MGAT4A: variants seen among roughly 807,000 people sequenced by gnomAD.
MGAT4A encodes the protein N-acetylglucosaminyltransferase IVa.
Under a neutral mutation model 74.1 loss-of-function variants are expected in MGAT4A, and 33 were observed. The ratio of observed to expected loss-of-function variants is 0.45; its 90% CI spans 0.34 to 0.60. The LOEUF is 0.60. MGAT4A is among the 20% of genes least tolerant of loss of function. The pLI, the probability that MGAT4A is intolerant of heterozygous loss-of-function variation, is 0.02. For missense variants in MGAT4A, 479 were observed against 628.3 expected (o/e 0.76, Z 2.54); for synonymous variants, 198 against 210.4 (o/e 0.94, Z 0.51).
intron 3 of MGAT4A, among the ~76,000 whole-genome samples, chr2:98,677,023 A>C (rs1701984144): frequency 6.6e-6 from 1 of 152,218 alleles, no homozygotes; most frequent in African/African-American, 2.4e-5. Flanking sequence ...AGAGGAATTC[A>C]TGTGTTTTTA....
intron 9 of MGAT4A, among the ~76,000 whole-genome samples, chr2:98,644,712 C>T (rs1193124714): frequency 6.6e-6 from 1 of 151,978 alleles, no homozygotes; most frequent in Admixed American, 6.6e-5. Context: ...CAGCTCACTA[C>T]AACCTCCACC....
chr2:98,643,483 G>A (rs566508802), intron 10 of MGAT4A, among the ~76,000 whole-genome samples: 13 of 152,222 alleles, frequency 8.5e-5, no homozygotes, highest in South Asian at 4.1e-4. Context: ...GTACTTTAAC[G>A]TCTCATTGTT....
At chr2:98,677,530 A>G (rs62157999) in intron 3 of MGAT4A, among the ~76,000 whole-genome samples, 36,022 of 152,060 alleles carry the variant, frequency 0.24, 5,055 homozygotes, top group Non-Finnish European at 0.32. Flanking sequence ...ACAGCTCACT[A>G]CAACCTCCGC....
intron 8 of MGAT4A, 129 bp downstream of exon 8, chr2:98,655,316 C>T (rs1701641956): frequency 1.5e-6 from 1 of 653,348 alleles, no homozygotes; most frequent in African/African-American, 1.9e-5. Flanking sequence ...CCCCTCTGCT[C>T]TGAGATAGTT....
At chr2:98,687,875 T>C (rs1316299501) in intron 2 of MGAT4A, among the ~76,000 whole-genome samples, 1 of 152,150 alleles carries the variant, frequency 6.6e-6, no homozygotes, top group Admixed American at 6.5e-5. Context: ...AGACTCACCC[T>C]GTGGTCTTAT....
At position 98,730,029 on chromosome 2, in the gene MGAT4A, T is replaced by C. The variant is rs552366194; in HGVS notation, c.-236+1019A>G. Reference sequence around the variant, plus strand: ...TGTCAAGATAACCTGTTCATCAAACTGTTTTTTAAACATTCAGAAAAAGAA... The same window carrying C: ...TGTCAAGATAACCTGTTCATCAAACCGTTTTTTAAACATTCAGAAAAAGAA... On this transcript the variant is annotated intron_variant, in intron 1 of 15. Coordinates refer to ENST00000393487, the MANE Select transcript of MGAT4A (RefSeq NM_012214.3). Among the ~76,000 whole-genome samples the C allele has an allele frequency of 9.8e-5, 15 of 152,384 alleles. No individual in the cohort carries two copies. In the East Asian group the frequency reaches 2.9e-3, roughly 29 times the overall value.
intron 14 of MGAT4A, among the ~76,000 whole-genome samples, chr2:98,627,142 A>G (rs1701155620): frequency 6.6e-6 from 1 of 152,140 alleles, no homozygotes; most frequent in Admixed American, 6.5e-5. Flanking sequence ...CTATAGTTTG[A>G]GCTTGGAAAG....
Position 98,700,250 on chromosome 2 carries a change from G to A in MGAT4A, c.95-21779C>T, listed in dbSNP as rs546872656. Among the ~76,000 whole-genome samples, 11 of 151,422 alleles carry A rather than the reference G, an allele frequency of 7.3e-5. 2 individuals are homozygous for A. Among genetic ancestry groups the A allele is most frequent in the African/African-American group, 2.4e-4 (10 of 41,336 alleles). Reference sequence around the variant, plus strand: ...GGCTATAGTCCTTAGCAAGACTTCTGAGTAAAATTAACTTTAATTCTTTAA... The same window carrying A: ...GGCTATAGTCCTTAGCAAGACTTCTAAGTAAAATTAACTTTAATTCTTTAA... On this transcript the variant is annotated intron_variant, in intron 2 of 15. Coordinates refer to ENST00000393487, the MANE Select transcript of MGAT4A (RefSeq NM_012214.3).
chr2:98,623,559 G>A lies in MGAT4A; in HGVS notation c.*2007C>T, dbSNP rs1055125541. The A allele has an allele frequency of 1.0e-6, 1 of 985,210 alleles. No individual in the cohort carries two copies. Among genetic ancestry groups the A allele is most frequent in the Non-Finnish European group, 1.2e-6 (1 of 829,906 alleles). 61.0% of individuals were successfully genotyped at this position (985,210 alleles called of 1,614,324 possible). ...GAATGAAATTTGCTCATGGGCACTG[G>A]GCCAAGGAAATTTGAGAAGAAAAAA... On this transcript the variant is annotated 3_prime_UTR_variant, in exon 16 of 16. Transcript: ENST00000393487.
intron 3 of MGAT4A, 33 bp from the exon 4 acceptor site, chr2:98,675,208 ATTACC>A (rs755014213): frequency 6.8e-7 from 1 of 1,470,044 alleles, no homozygotes; most frequent in Non-Finnish European, 9.2e-7. Context: ...ATATACAAGA[ATTACC>A]TTACAGAAGT....
intron 14 of MGAT4A, among the ~76,000 whole-genome samples, chr2:98,630,124 A>G (rs150903683): frequency 1.0e-3 from 159 of 152,344 alleles, no homozygotes; most frequent in African/African-American, 3.7e-3. Context: ...TCCTAAGTCT[A>G]TATTGTAGAG....
In MGAT4A at chr2:98,726,356, CAT is replaced by C. The variant is rs1031570152; in HGVS notation, c.-26_-25del. The C allele has an allele frequency of 1.9e-6, 3 of 1,595,360 alleles. No individual in the cohort carries two copies. Among genetic ancestry groups the C allele is most frequent in the African/African-American group, 1.3e-5 (1 of 74,514 alleles). On this transcript the variant is annotated 5_prime_UTR_variant, in exon 2 of 16. In the 5' UTR this introduces an upstream ATG that the reference lacks. Coordinates refer to ENST00000393487, the MANE Select transcript of MGAT4A (RefSeq NM_012214.3). ...ATCTCATTTCACCATCACACTGGTCCATATGTTTATGATGACAACAACCAGGA... is the reference window on the plus strand; with the variant it reads ...ATCTCATTTCACCATCACACTGGTCCATGTTTATGATGACAACAACCAGGA...
chr2:98,644,670 G>A (rs868559707), intron 9 of MGAT4A, among the ~76,000 whole-genome samples: 14 of 146,204 alleles, frequency 9.6e-5, no homozygotes, highest in Non-Finnish European at 1.0e-4. Context: ...TCTCACTCTC[G>A]TCCCCAAGGC....
Position 98,623,253 on chromosome 2 carries a change from G to C in MGAT4A, c.*2313C>G, listed in dbSNP as rs533587099. 9.1e-6 allele frequency: 9 copies of C among 985,378 alleles called. No homozygotes were observed. The highest frequency in any genetic ancestry group is 1.1e-5 in the Non-Finnish European group (9 of 829,946). The allele number at this position is 985,378 out of a possible 1,614,324, so 61.0% of individuals were successfully genotyped here. A position where few individuals can be genotyped will look rare whatever the true frequency, so the allele number is the denominator to read the frequency against. On this transcript the variant is annotated 3_prime_UTR_variant, in exon 16 of 16. Transcript: ENST00000393487. ...ACAACAGGTGGACCAATGCTGGGAG[G>C]GCAAACTGCATGAAAACAGGAAAAA... is the stretch of plus-strand genomic sequence containing the variant.
intron 2 of MGAT4A, among the ~76,000 whole-genome samples, chr2:98,688,314 A>G (rs1359851432): frequency 6.6e-6 from 1 of 152,076 alleles, no homozygotes; most frequent in Non-Finnish European, 1.5e-5. Context: ...ACTGTTTTAT[A>G]AATCTAAGAC....
intron 2 of MGAT4A, among the ~76,000 whole-genome samples, chr2:98,704,017 G>T (rs921109203): frequency 4.6e-5 from 7 of 152,108 alleles, no homozygotes; most frequent in African/African-American, 1.7e-4. Context: ...CTGCCTAGTT[G>T]CTCAACTACG....
Position 98,621,465 on chromosome 2 carries a change from T to C in MGAT4A, c.*4101A>G. 6.4e-7 allele frequency: 1 copy of C among 1,551,652 alleles called. No homozygotes were observed. Among genetic ancestry groups the C allele is most frequent in the Non-Finnish European group, 8.7e-7 (1 of 1,146,966 alleles). ...CAATGGTGCCTGAGGTCCTTCTGCT[T>C]TGTCTCTTGACTTCTGCCACCAGCC... On this transcript the variant is annotated 3_prime_UTR_variant, in exon 16 of 16. Coordinates refer to ENST00000393487, the MANE Select transcript of MGAT4A (RefSeq NM_012214.3).
Position 98,624,878 on chromosome 2 carries a change from T to C in MGAT4A, c.*688A>G. 1 of 984,706 alleles carries C rather than the reference T, an allele frequency of 1.0e-6. No homozygotes were observed. Among genetic ancestry groups the C allele is most frequent in the Non-Finnish European group, 1.2e-6 (1 of 828,868 alleles). The allele number at this position is 984,706 out of a possible 1,614,324, so 61.0% of individuals were successfully genotyped here. A position where few individuals can be genotyped will look rare whatever the true frequency, so the allele number is the denominator to read the frequency against. ...AATCTTGGCTTTAAGGAATGACAAATGTCTTTGAAAATATTTTGTTCAGTC... is the reference window on the plus strand; with the variant it reads ...AATCTTGGCTTTAAGGAATGACAAACGTCTTTGAAAATATTTTGTTCAGTC... On this transcript the variant is annotated 3_prime_UTR_variant, in exon 16 of 16. Coordinates refer to ENST00000393487, the MANE Select transcript of MGAT4A (RefSeq NM_012214.3).
At chr2:98,641,113 T>C (rs539767687) in intron 10 of MGAT4A, among the ~76,000 whole-genome samples, 1 of 152,184 alleles carries the variant, frequency 6.6e-6, no homozygotes, top group Non-Finnish European at 1.5e-5. Flanking sequence ...GCCTGGCGTG[T>C]GAAGGCTGTG....
Sources: allele counts gnomAD v4.1 joint callset (sites outside exome capture counted in the v4.1 genomes callset), GRCh38; gene constraint gnomAD v4.1.1; transcripts MANE v1.5; gene names NCBI Gene and HGNC (gene_info 2026-07-23, HGNC 2026-07-21).